KMT2C: variants seen among roughly 807,000 people sequenced by gnomAD.
KMT2C encodes histone-lysine N-methyltransferase 2C.
A neutral mutation model predicts 507.9 loss-of-function variants in KMT2C; 88 were observed. That is an observed-to-expected ratio of 0.17 (90% CI 0.15 to 0.21). The LOEUF (loss-of-function observed/expected upper bound fraction) is 0.21, where lower values mean the gene tolerates loss of function less well. Among genes scored for constraint, KMT2C ranks in the 10% least tolerant of loss-of-function variants. The pLI is 1.00. For synonymous variants in KMT2C, 2,049 were observed against 2,080.8 expected, an observed-to-expected ratio of 0.98 and a Z score of 0.42; for missense variants, 4,954 against 5,957.8, an observed-to-expected ratio of 0.83 and a Z score of 5.55.
chr7:152,167,471 C>T (rs1256401229), intron 41 of KMT2C, 93 bp from the exon 42 acceptor site: 1 of 762,728 alleles, frequency 1.3e-6, no homozygotes, highest in East Asian at 2.5e-5. Flanking sequence ...GTAGTTTCAC[C>T]ATGACCACAT....
In KMT2C at chr7:152,177,496, G is replaced by C. The variant is rs149373512; in HGVS notation, c.7957C>G (p.Leu2653Val). 11,405 of 1,614,184 alleles carry C rather than the reference G, an allele frequency of 7.1e-3. 62 individuals are homozygous for C. Among genetic ancestry groups the C allele is most frequent in the Non-Finnish European group, 7.8e-3 (9,153 of 1,180,024 alleles). ...SMVMRTLNHPLGGEFSEAPLS... is the reference protein window; with the variant it reads ...SMVMRTLNHPVGGEFSEAPLS... ...GGAGCTTCTGAAAATTCACCACCTA[G>C]TGGATGGTTCAGAGTCCTCATGACC... The change falls in exon 38 of 59, where the codon CTA becomes GTA. Residue 2653 changes from leucine (L) to valine (V), a missense_variant. Physicochemically the swap from Leu to Val is conservative, Grantham distance 32. Around this residue, in one of 29 missense-constraint regions of KMT2C, gnomAD observed 1,689 missense variants for 1,654.3 expected, o/e 1.02. Transcript: ENST00000262189.
chr7:152,248,247 A>G lies in KMT2C; in HGVS notation c.2187T>C (p.Asn729=). The change falls in exon 14 of 59, where the codon AAT becomes AAC. Residue 729 remains asparagine (N), a synonymous_variant. Coordinates refer to ENST00000262189, the MANE Select transcript of KMT2C (RefSeq NM_170606.3). ...CCATCAATCCAGTAGAAAGTTCAGA[A>G]TTTTCTTTCTGTTCCTTTTCTCCTT... The part of the protein sequence containing the change: ...RLQGEKEQKE[N]SELSTGLMDS... 1 of 1,613,900 alleles carries G rather than the reference A, an allele frequency of 6.2e-7. No individual in the cohort carries two copies. Among genetic ancestry groups the G allele is most frequent in the South Asian group, 1.1e-5 (1 of 91,072 alleles).
chr7:152,407,662 ACT>A (rs1381642663), intron 1 of KMT2C, among the ~76,000 whole-genome samples: 13 of 145,058 alleles, frequency 9.0e-5, no homozygotes, highest in African/African-American at 3.3e-4. Flanking sequence ...ACACAGCGAG[ACT>A]CTGTCTCAAA....
At chr7:152,221,472 A>G (rs1212772868) in intron 22 of KMT2C, among the ~76,000 whole-genome samples, 1 of 152,230 alleles carries the variant, frequency 6.6e-6, no homozygotes, top group African/African-American at 2.4e-5. Context: ...GAAGTAATAA[A>G]TAAGTACAAA....
intron 7 of KMT2C, among the ~76,000 whole-genome samples, chr7:152,267,859 A>AT (rs2095883357): frequency 3.9e-5 from 6 of 152,064 alleles, no homozygotes; most frequent in Admixed American, 3.3e-4. Flanking sequence ...ACCACTCACT[A>AT]TCTCGTGGTC....
chr7:152,244,264 T>C (rs2095433534), intron 14 of KMT2C, among the ~76,000 whole-genome samples: 1 of 152,216 alleles, frequency 6.6e-6, no homozygotes, highest in Non-Finnish European at 1.5e-5. Flanking sequence ...TGCATTTTAA[T>C]TGGTCTAGGG....
At position 152,144,372 on chromosome 7, in the gene KMT2C, C is replaced by CA. The variant is rs2090904057; in HGVS notation, c.14343+340dup. Among the ~76,000 whole-genome samples the CA allele has an allele frequency of 6.6e-6, 1 of 152,144 alleles. No individual in the cohort carries two copies. The highest frequency in any genetic ancestry group is 1.5e-5 in the Non-Finnish European group (1 of 68,030). ...TTGGTGTACCTTTGGAAAATATTTT[C>CA]ATTTGTATTTCTCTCAAGTGCTTGA... On this transcript the variant is annotated intron_variant, in intron 55 of 58. Transcript: ENST00000262189. This position sits in a 1 kb window ranked among gnomAD's most constrained non-coding sequence, Gnocchi z 4.4.
intron 6 of KMT2C, among the ~76,000 whole-genome samples, chr7:152,274,598 T>G (rs2096046531): frequency 6.6e-6 from 1 of 152,250 alleles, no homozygotes; most frequent in Admixed American, 6.5e-5. Flanking sequence ...TGCATTTACT[T>G]ATTCAGTTTT....
intron 3 of KMT2C, among the ~76,000 whole-genome samples, chr7:152,330,021 A>C (rs921603682): frequency 6.6e-6 from 1 of 151,240 alleles, no homozygotes; most frequent in Non-Finnish European, 1.5e-5. Flanking sequence ...GTGCATGCCT[A>C]TAATCCTAGC....
In KMT2C at chr7:152,176,565, C is replaced by T. The variant is rs774339580; in HGVS notation, c.8888G>A (p.Arg2963His). ...SLPPFIAPPG[R>H]VLDNAMNSNV... ...AGAATTCATGGCATTATCCAAAACA[C>T]GGCCAGGCGGTGCTATGAAAGGAGG... Residue 2963 changes from arginine to histidine, a missense_variant, in exon 38 of 59, where the codon CGT becomes CAT. Arg to His is a conservative substitution (Grantham distance 29). Transcript: ENST00000262189. The T allele has an allele frequency of 1.5e-5, 25 of 1,614,034 alleles. No individual in the cohort carries two copies. The highest frequency in any genetic ancestry group is 6.7e-5 in the East Asian group (3 of 44,894).
chr7:152,307,244 A>C lies in KMT2C; in HGVS notation c.849+2722T>G, dbSNP rs866916234. Among the ~76,000 whole-genome samples the C allele has an allele frequency of 5.1e-4, 61 of 120,284 alleles. No individual in the cohort carries two copies. The East Asian group carries it at 7.1e-3, about 14-fold the overall frequency. The allele number at this position is 120,284 out of a possible 152,430, so 78.9% of individuals were successfully genotyped here. On this transcript the variant is annotated intron_variant, in intron 6 of 58. Transcript: ENST00000262189. ...AAGGAAGGAAGGAAGGAAGGAAGGA[A>C]GGAAGGACGGTAGGAAGGAAGGAAG...
chr7:152,282,307 A>G (rs1441937289), intron 6 of KMT2C, among the ~76,000 whole-genome samples: 4 of 151,798 alleles, frequency 2.6e-5, no homozygotes, highest in East Asian at 1.9e-4. Context: ...AAAAAAAAAA[A>G]AAAGAAAGAA....
chr7:152,430,617 C>T (rs1236103278), intron 1 of KMT2C, among the ~76,000 whole-genome samples: 1 of 152,180 alleles, frequency 6.6e-6, no homozygotes, highest in East Asian at 1.9e-4. Context: ...GCAGCCTCAA[C>T]CTCCAAGCCT....
chr7:152,264,192 T>A (rs1359521509), intron 8 of KMT2C, among the ~76,000 whole-genome samples: 5 of 152,212 alleles, frequency 3.3e-5, no homozygotes, highest in African/African-American at 7.2e-5. Context: ...AGGTACATAG[T>A]CCTATTTATG....
At chr7:152,367,952 A>G (rs1005418229) in intron 1 of KMT2C, 2 of 926,024 alleles carry the variant, frequency 2.2e-6, no homozygotes, top group Non-Finnish European at 1.8e-6. Context: ...CACTTATACC[A>G]GAGGAATGCC....
intron 3 of KMT2C, among the ~76,000 whole-genome samples, chr7:152,321,923 A>C (rs1193011474): frequency 1.3e-5 from 2 of 151,928 alleles, no homozygotes; most frequent in African/African-American, 4.8e-5. Context: ...ATTATCCTTA[A>C]ATTTATATGG....
At chr7:152,172,566 C>T (rs1010247136) in intron 39 of KMT2C, among the ~76,000 whole-genome samples, 2 of 152,082 alleles carry the variant, frequency 1.3e-5, no homozygotes, top group Non-Finnish European at 2.9e-5. Context: ...CATGGTGGCA[C>T]GTGCCTGTGA....
intron 44 of KMT2C, 40 bp from the exon 45 acceptor site, chr7:152,156,386 C>G (rs767618125): frequency 1.2e-6 from 2 of 1,607,674 alleles, no homozygotes; most frequent in Non-Finnish European, 1.7e-6. Context: ...TGCTACTGAG[C>G]GAATATGCAA....
intron 3 of KMT2C, among the ~76,000 whole-genome samples, chr7:152,328,107 G>C (rs1390116428): frequency 6.6e-6 from 1 of 152,102 alleles, no homozygotes; most frequent in Non-Finnish European, 1.5e-5. Flanking sequence ...CAAATGAACT[G>C]TTGGAAAATA....
Sources: allele counts gnomAD v4.1 joint callset (sites outside exome capture counted in the v4.1 genomes callset), GRCh38; gene constraint gnomAD v4.1.1; regional missense constraint gnomAD v4.1.1; non-coding constraint Gnocchi (gnomAD v3.1); transcripts MANE v1.5; gene names NCBI Gene and HGNC (gene_info 2026-07-23, HGNC 2026-07-21).